The following MTFR1 variants were observed in gnomAD, a reference collection of about 807,000 sequenced individuals.
MTFR1 encodes the protein chondrocyte protein with a poly-proline region.
A neutral mutation model predicts 38.8 loss-of-function variants in MTFR1; 28 were observed. That is an observed-to-expected ratio of 0.72 (90% CI 0.53 to 0.99). The LOEUF (loss-of-function observed/expected upper bound fraction) is 0.99. Among genes scored for constraint, MTFR1 ranks in the 50% least tolerant of loss-of-function variants. MTFR1 has a pLI of 0.00. For synonymous variants in MTFR1, 145 were observed against 137.0 expected, an observed-to-expected ratio of 1.06 and a Z score of -0.41; for missense variants, 358 against 395.5, an observed-to-expected ratio of 0.91 and a Z score of 0.81.
chr8:65,711,651 C>T (rs542386292), downstream of MTFR1, among the ~76,000 whole-genome samples: 55 of 152,260 alleles, frequency 3.6e-4, no homozygotes, highest in Admixed American at 5.9e-4. Flanking sequence ...CCTTGTAAAC[C>T]TTATAAACAA....
intron 3 of MTFR1, among the ~76,000 whole-genome samples, chr8:65,746,085 C>A (rs934370739): frequency 1.5e-4 from 23 of 151,296 alleles, no homozygotes; most frequent in African/African-American, 5.3e-4. Flanking sequence ...CATGTGTTAC[C>A]ATACCTGGCT....
chr8:65,645,702 C>A (rs992553495), intron 1 of MTFR1, among the ~76,000 whole-genome samples: 10 of 134,960 alleles, frequency 7.4e-5, no homozygotes, highest in South Asian at 3.7e-4. Context: ...TCCCCCCCCC[C>A]CCCCTTTGTA....
At chr8:65,728,096 C>A (rs1303374958) in intron 3 of MTFR1, 1 of 152,162 alleles carries the variant, frequency 6.6e-6, no homozygotes, top group African/African-American at 2.4e-5. Context: ...TCCCACAGCA[C>A]CTCATGACCT....
chr8:65,706,886 C>A (rs1489849441), intron 5 of MTFR1, 124 bp from the exon 6 acceptor site: 1 of 1,074,084 alleles, frequency 9.3e-7, no homozygotes, highest in African/African-American at 1.6e-5. Flanking sequence ...TCTTACATAA[C>A]TGAAACGTTA....
intron 1 of MTFR1, among the ~76,000 whole-genome samples, chr8:65,652,938 A>G (rs1442535614): frequency 1.3e-5 from 2 of 152,332 alleles, no homozygotes; most frequent in East Asian, 1.9e-4. Flanking sequence ...TTTGGTGTCC[A>G]TGGGATTCCT....
At chr8:65,774,658 T>C (rs1809206046), downstream of MTFR1, among the ~76,000 whole-genome samples, 1 of 151,526 alleles carries the variant, frequency 6.6e-6, no homozygotes, top group African/African-American at 2.4e-5. Context: ...AATTTAAAAA[T>C]ATATAAAACA....
At chr8:65,744,208 T>TACAAAACAAA (rs140231902) in intron 3 of MTFR1, among the ~76,000 whole-genome samples, 1 of 151,484 alleles carries the variant, frequency 6.6e-6, no homozygotes, top group African/African-American at 2.4e-5. Context: ...TTAGTTGTGT[T>TACAAAACAAA]ACAAAACAAA....
chr8:65,656,688 A>G (rs570510840), intron 1 of MTFR1, among the ~76,000 whole-genome samples: 1 of 151,742 alleles, frequency 6.6e-6, no homozygotes, highest in Non-Finnish European at 1.5e-5. Flanking sequence ...TTTTGTAGAG[A>G]CGAGGTTTCA....
At chr8:65,717,829 AAC>A (rs926017250) in intron 2 of MTFR1, 6 of 152,242 alleles carry the variant, frequency 3.9e-5, no homozygotes, top group Admixed American at 3.9e-4. Context: ...ACAATTAATA[AAC>A]AGTCTTTTAC....
At position 65,708,028 on chromosome 8, in the gene MTFR1, G is replaced by A; in HGVS notation, c.933+17G>A. 2 of 1,610,072 alleles carry A rather than the reference G, an allele frequency of 1.2e-6. No homozygotes were observed. The highest frequency in any genetic ancestry group is 1.7e-6 in the Non-Finnish European group (2 of 1,179,872). ...AGAGTGTTGGTGAGTTATTTGCCCA[G>A]ATTTCTTTCCTGTTATGTAGAAATC... On this transcript the variant is annotated intron_variant, in intron 7 of 7. Transcript: ENST00000262146.
rs199582444 is a variant in MTFR1, at chr8:65,668,183, T to C, written c.-80-1690T>C. The stretch of plus-strand genomic sequence containing the variant: ...AGCAAGATTTTCTTTTTTTTTTTTT[T>C]CTTTTTTTTTTTGAGAGGGAGTCTT... On this transcript the variant is annotated intron_variant, in intron 1 of 7. Transcript: ENST00000262146. Among the ~76,000 whole-genome samples the C allele has an allele frequency of 9.9e-5, 14 of 141,476 alleles. No homozygotes were observed. In the East Asian group the frequency reaches 1.4e-3, roughly 14 times the overall value. The allele number at this position is 141,476 out of a possible 152,430, so 92.8% of individuals were successfully genotyped here. A position where few individuals can be genotyped will look rare whatever the true frequency, so the allele number is the denominator to read the frequency against.
chr8:65,679,022 G>A (rs925217718), intron 2 of MTFR1, among the ~76,000 whole-genome samples: 5 of 152,156 alleles, frequency 3.3e-5, no homozygotes, highest in Admixed American at 2.6e-4. Context: ...AATGCTAAAA[G>A]CAGGCAGAAA....
chr8:65,719,746 G>A (rs1390042957), intron 3 of MTFR1: 6 of 469,528 alleles, frequency 1.3e-5, no homozygotes, highest in African/African-American at 3.9e-5. Context: ...ACCTTTTCTG[G>A]TTATCCTTCT....
At chr8:65,714,079 T>C (rs534253107), downstream of MTFR1, among the ~76,000 whole-genome samples, 1 of 139,928 alleles carries the variant, frequency 7.1e-6, no homozygotes, top group East Asian at 2.0e-4. Context: ...AACCCAACAC[T>C]ACTGATACCA....
intron 3 of MTFR1, among the ~76,000 whole-genome samples, chr8:65,742,866 G>A (rs1807504699): frequency 6.6e-6 from 1 of 152,190 alleles, no homozygotes; most frequent in African/African-American, 2.4e-5. Flanking sequence ...ACCCTAAGGG[G>A]AAACTAGTTA....
At chr8:65,667,650 A>C (rs1017104655) in intron 1 of MTFR1, among the ~76,000 whole-genome samples, 8 of 151,418 alleles carry the variant, frequency 5.3e-5, no homozygotes, top group African/African-American at 1.9e-4. Flanking sequence ...CTGGTCTTGA[A>C]CTCCTGACTT....
At chr8:65,657,799 CATA>C (rs1304342864) in intron 1 of MTFR1, among the ~76,000 whole-genome samples, 1 of 151,662 alleles carries the variant, frequency 6.6e-6, no homozygotes, top group Non-Finnish European at 1.5e-5. Context: ...TAATTTAACA[CATA>C]ATAATTGTAC....
intron 1 of MTFR1, among the ~76,000 whole-genome samples, chr8:65,664,281 A>T (rs962258530): frequency 6.6e-6 from 1 of 152,242 alleles, no homozygotes; most frequent in African/African-American, 2.4e-5. Flanking sequence ...AAACAGACAG[A>T]TGAGTACATG....
At chr8:65,772,006 A>T (rs1809109441), downstream of MTFR1, among the ~76,000 whole-genome samples, 1 of 152,272 alleles carries the variant, frequency 6.6e-6, no homozygotes, top group South Asian at 2.1e-4. Context: ...TGACTGGTTC[A>T]AGGAGAATAA....
Sources: allele counts gnomAD v4.1 joint callset (sites outside exome capture counted in the v4.1 genomes callset), GRCh38; gene constraint gnomAD v4.1.1; transcripts MANE v1.5; gene names NCBI Gene and HGNC (gene_info 2026-07-23, HGNC 2026-07-21).